The following CCDC82 variants were observed in gnomAD, a reference collection of about 807,000 sequenced individuals.
CCDC82 encodes coiled-coil domain containing 82.
Under a neutral mutation model 60.6 loss-of-function variants are expected in CCDC82, and 47 were observed. The observed-to-expected ratio is 0.77, with a 90% CI of 0.61 to 0.99. The LOEUF is 0.99. CCDC82 is among the 50% of genes least tolerant of loss of function. The probability of loss-of-function intolerance (pLI) is 0.00; values close to 1 mark genes in which losing one functional copy is unlikely to be tolerated. For missense variants in CCDC82, 588 were observed against 633.0 expected, an observed-to-expected ratio of 0.93 and a Z score of 0.76; for synonymous variants, 212 against 207.4, an observed-to-expected ratio of 1.02 and a Z score of -0.19.
At chr11:96,388,645 TTTGAGG>T (rs1456477300) in intron 1 of CCDC82, 1 of 152,228 alleles carries the variant, frequency 6.6e-6, no homozygotes, top group African/African-American at 2.4e-5. Flanking sequence ...CCTTCTAAAC[TTTGAGG>T]TTAATTCATA....
chr11:96,372,752 T>TTA (rs927053961), intron 6 of CCDC82, among the ~76,000 whole-genome samples: 1 of 145,632 alleles, frequency 6.9e-6, no homozygotes, highest in African/African-American at 2.5e-5. Context: ...ATACGTATAT[T>TTA]TATATATATA....
At chr11:96,361,524 A>T (rs947373445) in intron 8 of CCDC82, among the ~76,000 whole-genome samples, 5 of 152,200 alleles carry the variant, frequency 3.3e-5, no homozygotes, top group Non-Finnish European at 7.3e-5. Context: ...CACATTTTAT[A>T]TGGAAGAACC....
chr11:96,365,024 T>G lies in CCDC82; in HGVS notation c.1336A>C (p.Thr446Pro), dbSNP rs747443742. ...SVHLSGELYN[T>P]RTMQIDNFMS... ...AAATTATCTATTTGCATGGTCCTGG[T>G]GTTATACAACTCTCCTGATAAATGC... The change falls in exon 8 of 10, where the codon ACC (threonine) becomes CCC (proline). Residue 446 changes from threonine to proline, a missense_variant. Thr to Pro is a conservative substitution (Grantham distance 38). Transcript: ENST00000646818. 1.2e-6 allele frequency: 2 copies of G among 1,610,842 alleles called. No individual in the cohort carries two copies. Among genetic ancestry groups the G allele is most frequent in the African/African-American group, 2.7e-5 (2 of 74,844 alleles).
chr11:96,389,368 T>C (rs1249644724), intron 1 of CCDC82: 1 of 152,140 alleles, frequency 6.6e-6, no homozygotes, highest in Non-Finnish European at 1.5e-5. Context: ...TACAAACCTC[T>C]TTGGCGGGAC....
chr11:96,389,650 G>C (rs1866435784), intron 1 of CCDC82, 194 bp downstream of exon 1: 1 of 152,616 alleles, frequency 6.6e-6, no homozygotes, highest in Admixed American at 6.5e-5. Context: ...GCCCACTGCA[G>C]CTCAGCTGAG....
intron 5 of CCDC82, among the ~76,000 whole-genome samples, chr11:96,374,570 C>A (rs1288626463): frequency 6.6e-6 from 1 of 152,094 alleles, no homozygotes; most frequent in Non-Finnish European, 1.5e-5. Flanking sequence ...TGATCAAAGG[C>A]AATAATCATG....
chr11:96,382,370 G>A (rs1282434437), intron 5 of CCDC82: 1 of 151,782 alleles, frequency 6.6e-6, no homozygotes, highest in African/African-American at 2.4e-5. Flanking sequence ...TGAAAAACTT[G>A]TATGTGCTAT....
intron 5 of CCDC82, among the ~76,000 whole-genome samples, chr11:96,379,082 T>C (rs867784082): frequency 3.3e-5 from 5 of 152,002 alleles, no homozygotes; most frequent in Non-Finnish European, 7.4e-5. Flanking sequence ...ATGTTGAATA[T>C]GATTCGTTGG....
chr11:96,357,500 C>T (rs1864408610), intron 9 of CCDC82: 1 of 985,060 alleles, frequency 1.0e-6, no homozygotes, highest in Admixed American at 6.2e-5. Flanking sequence ...AGAATAACGT[C>T]TTTAAAATTC....
In CCDC82 at chr11:96,361,162, T is replaced by C. The variant is rs1864643061; in HGVS notation, c.1381-1984A>G. Reference sequence around the variant, plus strand: ...AGGGTACCCTGTGTGTCTCCATTTCTGCCATCAAAGTAGACTGTGTGGGAG... The same window carrying C: ...AGGGTACCCTGTGTGTCTCCATTTCCGCCATCAAAGTAGACTGTGTGGGAG... On this transcript the variant is annotated intron_variant, in intron 8 of 9. Transcript: ENST00000646818. Among the ~76,000 whole-genome samples, 6 of 152,370 alleles carry C rather than the reference T, an allele frequency of 3.9e-5. No homozygotes were observed. The South Asian group carries it at 1.2e-3, about 32-fold the overall frequency.
rs563154213 is a variant in CCDC82, at chr11:96,378,497, G to A, written c.991+4772C>T. Among the ~76,000 whole-genome samples, 295 of 151,898 alleles carry A rather than the reference G, an allele frequency of 1.9e-3. 1 individual carries two copies. Among genetic ancestry groups the A allele is most frequent in the African/African-American group, 6.9e-3 (287 of 41,482 alleles). On this transcript the variant is annotated intron_variant, in intron 5 of 9. Transcript: ENST00000646818. ...ATAAATGGTTCTGAGTCCATTCTTA[G>A]GCCCACTCTTTATTGTGTTAATAGA...
At chr11:96,361,040 A>C (rs74557659) in intron 8 of CCDC82, among the ~76,000 whole-genome samples, 2,324 of 152,318 alleles carry the variant, frequency 0.015, 70 homozygotes, top group African/African-American at 0.052. Flanking sequence ...CAACCTTATC[A>C]TCAAAGCAGT....
chr11:96,380,008 AG>A (rs766596525), intron 5 of CCDC82, among the ~76,000 whole-genome samples: 3 of 151,970 alleles, frequency 2.0e-5, no homozygotes, highest in Non-Finnish European at 3.0e-5. Flanking sequence ...ATGCAAGAAA[AG>A]TAGGGTACCA....
chr11:96,370,242 T>G (rs1446137564), intron 7 of CCDC82, among the ~76,000 whole-genome samples: 1 of 152,150 alleles, frequency 6.6e-6, no homozygotes, highest in Non-Finnish European at 1.5e-5. Context: ...TTTAAATAAC[T>G]TAAACTTCAA....
chr11:96,353,706 A>G lies in CCDC82; in HGVS notation c.1575T>C (p.Gly525=). 1 of 1,609,264 alleles carries G rather than the reference A, an allele frequency of 6.2e-7. No homozygotes were observed. Among genetic ancestry groups the G allele is most frequent in the Non-Finnish European group, 8.5e-7 (1 of 1,177,846 alleles). Residue 525 remains glycine, a synonymous_variant, in exon 10 of 10, where the codon GGT becomes GGC. Transcript: ENST00000646818. ...CAAAATTGAGATATTCTTCAAGTTG[A>G]CCATATTTCTGCATATACAATAGAA... is the stretch of plus-strand genomic sequence containing the variant. ...KENGWIKEKY[G]QLEEYLNFAD... is the part of the protein sequence containing the mutation.
intron 5 of CCDC82, among the ~76,000 whole-genome samples, chr11:96,377,154 C>T (rs1344219624): frequency 6.6e-6 from 1 of 152,176 alleles, no homozygotes; most frequent in Non-Finnish European, 1.5e-5. Context: ...GTGTATGAGG[C>T]AGAGGCAGAA....
intron 8 of CCDC82, among the ~76,000 whole-genome samples, chr11:96,362,968 CT>C (rs1174356718): frequency 1.4e-3 from 206 of 145,260 alleles, no homozygotes; most frequent in Middle Eastern, 3.5e-3. Flanking sequence ...TTTTTCTTTT[CT>C]TTTTTTTTTT....
In CCDC82 at chr11:96,383,984, C is replaced by T. The variant is rs372213966; in HGVS notation, c.764G>A (p.Arg255His). 26 of 1,612,060 alleles carry T rather than the reference C, an allele frequency of 1.6e-5. No homozygotes were observed. Among genetic ancestry groups the T allele is most frequent in the African/African-American group, 8.0e-5 (6 of 74,674 alleles). ...CACCTCAAAATCTCTACCACTACTG[C>T]GTCTCTGACGAGATCTTTGTTTTGA... The part of the protein sequence containing the change: ...ELSKQRSRQR[R>H]SSGRDFEDSE... The change falls in exon 4 of 10, where the codon CGC (arginine) becomes CAC (histidine). Residue 255 changes from arginine to histidine, a missense_variant. By Grantham distance (29) the Arg-to-His change is conservative. Transcript: ENST00000646818.
At chr11:96,375,877 A>C (rs1005594208) in intron 5 of CCDC82, among the ~76,000 whole-genome samples, 3 of 152,214 alleles carry the variant, frequency 2.0e-5, no homozygotes, top group African/African-American at 7.2e-5. Context: ...AACTTATCCA[A>C]GGTGACATAA....
Sources: allele counts gnomAD v4.1 joint callset (sites outside exome capture counted in the v4.1 genomes callset), GRCh38; gene constraint gnomAD v4.1.1; transcripts MANE v1.5; gene names NCBI Gene and HGNC (gene_info 2026-07-23, HGNC 2026-07-21).